ATP6V1C1: variants seen among roughly 807,000 people sequenced by gnomAD.
ATP6V1C1 encodes the protein ATPase H+ transporting V1 subunit C1, also known as V-type proton ATPase subunit C 1.
In ATP6V1C1, 45 loss-of-function variants were observed where a neutral mutation model predicts 53.9. The observed-to-expected ratio is 0.83, with a 90% CI of 0.66 to 1.07. The LOEUF (loss-of-function observed/expected upper bound fraction) is 1.07, where lower values mean the gene tolerates loss of function less well. Among genes scored for constraint, ATP6V1C1 ranks in the 50% least tolerant of loss-of-function variants. The pLI is 0.00. For missense variants in ATP6V1C1, 315 were observed against 440.3 expected (o/e 0.72, Z 2.55); for synonymous variants, 153 against 155.2 (o/e 0.99, Z 0.11).
chr8:103,029,215 T>C (rs1174401327), intron 1 of ATP6V1C1, among the ~76,000 whole-genome samples: 1 of 152,024 alleles, frequency 6.6e-6, no homozygotes, highest in Non-Finnish European at 1.5e-5. Flanking sequence ...TATTGCCAAA[T>C]TGTGTTCCAG....
intron 3 of ATP6V1C1, among the ~76,000 whole-genome samples, chr8:103,048,428 G>A (rs974007133): frequency 2.0e-5 from 3 of 152,248 alleles, no homozygotes; most frequent in South Asian, 4.2e-4. Flanking sequence ...TATTGCTTAC[G>A]TTCTCTTGCC....
intron 8 of ATP6V1C1, among the ~76,000 whole-genome samples, chr8:103,058,890 G>A (rs565042165): frequency 3.1e-4 from 47 of 152,252 alleles, no homozygotes; most frequent in African/African-American, 1.0e-3. Flanking sequence ...GGCCAAAGAA[G>A]TGGAGGCTGT....
At chr8:103,027,627 A>G (rs1816721382) in intron 1 of ATP6V1C1, among the ~76,000 whole-genome samples, 3 of 151,176 alleles carry the variant, frequency 2.0e-5, no homozygotes, top group Admixed American at 2.0e-4. Context: ...ACAGTCCCAT[A>G]GCTTTGGATC....
At position 103,053,904 on chromosome 8, in the gene ATP6V1C1, G is replaced by A. The variant is rs529569062; in HGVS notation, c.494G>A (p.Ser165Asn). The A allele has an allele frequency of 6.2e-7, 1 of 1,611,558 alleles. No individual in the cohort carries two copies. Among genetic ancestry groups the A allele is most frequent in the Non-Finnish European group, 8.5e-7 (1 of 1,178,478 alleles). ...RKNAGSLLTR[S>N]LAEIVKKDDF... is the part of the protein sequence containing the mutation. ...CTCAGAGGAAGTTTGCTAACTAGAA[G>A]TCTAGCAGAAATTGTGAAGAAGGAT... The change falls in exon 7 of 13, where the codon AGT (serine) becomes AAT (asparagine). Residue 165 changes from serine (S) to asparagine (N), a missense_variant. Coordinates refer to ENST00000518738, the MANE Select transcript of ATP6V1C1 (RefSeq NM_001695.5).
At chr8:103,041,181 A>G (rs1249625463) in intron 2 of ATP6V1C1, among the ~76,000 whole-genome samples, 2 of 152,264 alleles carry the variant, frequency 1.3e-5, no homozygotes, top group East Asian at 3.8e-4. Context: ...GTGCTCTTCT[A>G]AATTGCAATG....
rs904567121 is a variant in ATP6V1C1 at position 103,070,204 on chromosome 8, CAT to C, written c.*1458_*1459del. The C allele has an allele frequency of 6.6e-6, 1 of 152,242 alleles. No individual in the cohort carries two copies. The highest frequency in any genetic ancestry group is 1.5e-5 in the Non-Finnish European group (1 of 68,048). The allele number at this position is 152,242 out of a possible 1,614,324, so 9.4% of individuals were successfully genotyped here. On this transcript the variant is annotated 3_prime_UTR_variant, in exon 13 of 13. Transcript: ENST00000518738. ...TGGCGTTCCATTGAGTGTCTGTCATCATGTGTTTAGCCGAGTGGATGGATAGT... is the reference window on the plus strand; with the variant it reads ...TGGCGTTCCATTGAGTGTCTGTCATCGTGTTTAGCCGAGTGGATGGATAGT...
At chr8:103,041,769 G>C (rs1348553087) in intron 2 of ATP6V1C1, among the ~76,000 whole-genome samples, 1 of 152,146 alleles carries the variant, frequency 6.6e-6, no homozygotes, top group Non-Finnish European at 1.5e-5. Context: ...CTACTTGGGA[G>C]GCTGAGGCAA....
intron 8 of ATP6V1C1, among the ~76,000 whole-genome samples, chr8:103,061,039 A>G (rs1245290801): frequency 1.3e-5 from 2 of 152,224 alleles, no homozygotes; most frequent in Admixed American, 1.3e-4. Flanking sequence ...ATTTGTTTTG[A>G]TCTCAAGCAG....
intron 1 of ATP6V1C1, among the ~76,000 whole-genome samples, chr8:103,024,123 A>G (rs1322917218): frequency 1.3e-5 from 2 of 152,160 alleles, no homozygotes; most frequent in Non-Finnish European, 2.9e-5. Flanking sequence ...GTGAGTCTCA[A>G]ATTATGCTGA....
rs114909007 is a variant in ATP6V1C1, at chr8:103,056,926, G to A, written c.641+990G>A. On this transcript the variant is annotated intron_variant, in intron 8 of 12. Coordinates refer to ENST00000518738, the MANE Select transcript of ATP6V1C1 (RefSeq NM_001695.5). Reference sequence around the variant, plus strand: ...TATGATGGAAAGAGTCCTGGACTCAGGGATCTGAGTTCTATTGCTGGTTCT... The same window carrying A: ...TATGATGGAAAGAGTCCTGGACTCAAGGATCTGAGTTCTATTGCTGGTTCT... Among the ~76,000 whole-genome samples, 1,474 of 152,228 alleles carry A rather than the reference G, an allele frequency of 9.7e-3. 18 individuals are homozygous for A. Among genetic ancestry groups the A allele is most frequent in the African/African-American group, 0.034 (1,409 of 41,532 alleles).
At chr8:103,045,316 C>A (rs1356914626) in intron 3 of ATP6V1C1, among the ~76,000 whole-genome samples, 1 of 152,106 alleles carries the variant, frequency 6.6e-6, no homozygotes, top group African/African-American at 2.4e-5. Flanking sequence ...AGAGAGAGAT[C>A]TTTTAATATA....
intron 2 of ATP6V1C1, among the ~76,000 whole-genome samples, chr8:103,041,289 GT>G (rs1309629872): frequency 3.3e-5 from 5 of 152,186 alleles, no homozygotes; most frequent in African/African-American, 1.2e-4. Context: ...TCATAGTGAA[GT>G]TTTTGTTAGT....
intron 4 of ATP6V1C1, 21 bp downstream of exon 4, chr8:103,048,976 G>T: frequency 1.2e-6 from 2 of 1,600,794 alleles, no homozygotes; most frequent in South Asian, 2.2e-5. Flanking sequence ...GCTCATGATT[G>T]ATCATTATTA....
chr8:103,061,884 A>G (rs1817405049), intron 8 of ATP6V1C1, among the ~76,000 whole-genome samples: 3 of 152,222 alleles, frequency 2.0e-5, no homozygotes, highest in African/African-American at 7.2e-5. Flanking sequence ...AGGAGGCACT[A>G]TAGGTAAATT....
intron 8 of ATP6V1C1, among the ~76,000 whole-genome samples, chr8:103,056,782 T>C (rs983517918): frequency 6.6e-6 from 1 of 152,196 alleles, no homozygotes; most frequent in Non-Finnish European, 1.5e-5. Flanking sequence ...TATATGTGCT[T>C]CAAGGGGAGG....
At chr8:103,065,994 A>G (rs1817482174) in intron 11 of ATP6V1C1, among the ~76,000 whole-genome samples, 1 of 152,132 alleles carries the variant, frequency 6.6e-6, no homozygotes, top group South Asian at 2.1e-4. Flanking sequence ...GTGAGCCAGG[A>G]TTGCACCACT....
chr8:103,055,088 C>T (rs939093286), intron 7 of ATP6V1C1, among the ~76,000 whole-genome samples: 2 of 152,136 alleles, frequency 1.3e-5, no homozygotes, highest in South Asian at 4.1e-4. Flanking sequence ...GTCTGCTACA[C>T]TGAAACACTG....
intron 1 of ATP6V1C1, among the ~76,000 whole-genome samples, chr8:103,024,549 C>A (rs1208114236): frequency 6.6e-6 from 1 of 152,214 alleles, no homozygotes. Flanking sequence ...TGACTGAGTA[C>A]CTCCTACTTA....
chr8:103,061,323 C>T (rs562486785), intron 8 of ATP6V1C1, among the ~76,000 whole-genome samples: 11 of 152,238 alleles, frequency 7.2e-5, no homozygotes, highest in East Asian at 3.9e-4. Context: ...GGCTGGCTGA[C>T]GAGGAGTAGG....
Sources: allele counts gnomAD v4.1 joint callset (sites outside exome capture counted in the v4.1 genomes callset), GRCh38; gene constraint gnomAD v4.1.1; transcripts MANE v1.5; gene names NCBI Gene and HGNC (gene_info 2026-07-23, HGNC 2026-07-21).